The following RYR2 variants were observed in gnomAD, a reference collection of about 807,000 sequenced individuals.
RYR2 encodes cardiac muscle ryanodine receptor-calcium release channel.
In RYR2, 227 loss-of-function variants were observed where a neutral mutation model predicts 601.1. The ratio of observed to expected loss-of-function variants is 0.38; its 90% CI spans 0.34 to 0.42. RYR2 has a LOEUF of 0.42. Among genes scored for constraint, RYR2 ranks in the 10% least tolerant of loss-of-function variants. The pLI, the probability that RYR2 is intolerant of heterozygous loss-of-function variation, is 1.00. For synonymous variants in RYR2, 2,223 were observed against 2,175.1 expected, an observed-to-expected ratio of 1.02 and a Z score of -0.61; for missense variants, 4,646 against 6,156.5, an observed-to-expected ratio of 0.75 and a Z score of 8.21.
At chr1:237,175,059 A>C (rs1159099139) in intron 1 of RYR2, among the ~76,000 whole-genome samples, 1 of 152,210 alleles carries the variant, frequency 6.6e-6, no homozygotes, top group African/African-American at 2.4e-5. Context: ...ATAACTTCCA[A>C]ATGAATCATA....
intron 1 of RYR2, among the ~76,000 whole-genome samples, chr1:237,263,958 G>C (rs747993813): frequency 1.3e-5 from 2 of 152,116 alleles, no homozygotes; most frequent in African/African-American, 2.4e-5. Flanking sequence ...AGGGACTCAG[G>C]GTGATAGGGG....
At chr1:237,269,928 C>G (rs1307822333) in intron 1 of RYR2, among the ~76,000 whole-genome samples, 2 of 152,150 alleles carry the variant, frequency 1.3e-5, no homozygotes, top group East Asian at 1.9e-4. Flanking sequence ...AATAAATTGT[C>G]TCTCCATACA....
chr1:237,801,337 C>A lies in RYR2; in HGVS notation c.14091-519C>A, dbSNP rs1304830388. Among the ~76,000 whole-genome samples, 3 of 141,720 alleles carry A rather than the reference C, an allele frequency of 2.1e-5. No individual in the cohort carries two copies. In the East Asian group the frequency reaches 6.3e-4, roughly 30 times the overall value. The allele number at this position is 141,720 out of a possible 152,430, so 93.0% of individuals were successfully genotyped here. On this transcript the variant is annotated intron_variant, in intron 97 of 104. Transcript: ENST00000366574. ...CCTGAGATCAGGAGTTCAAGACCAG[C>A]CTGGCCAACATGATGAAACCCCATC...
intron 1 of RYR2, among the ~76,000 whole-genome samples, chr1:237,162,957 T>C (rs976793066): frequency 6.6e-6 from 1 of 152,110 alleles, no homozygotes; most frequent in Non-Finnish European, 1.5e-5. Flanking sequence ...CTACAACTGC[T>C]ACTTCAGTAG....
chr1:237,235,066 T>A (rs532355302), intron 1 of RYR2, among the ~76,000 whole-genome samples: 1 of 152,338 alleles, frequency 6.6e-6, no homozygotes, highest in South Asian at 2.1e-4. Context: ...CCCAGGCCTC[T>A]TCTCCACACT....
chr1:237,660,013 T>C lies in RYR2; in HGVS notation c.8237T>C (p.Ile2746Thr). ...GCAAATGGATGGATTTATGGAGAAA[T>C]ATATTCAGACTCTTCTAAGGTTCAG... The part of the protein sequence containing the change: ...KLANGWIYGE[I>T]YSDSSKVQPL... The change falls in exon 55 of 105, where the codon ATA becomes ACA. Residue 2746 changes from isoleucine (I) to threonine (T), a missense_variant. Transcript: ENST00000366574. 1 of 1,590,814 alleles carries C rather than the reference T, an allele frequency of 6.3e-7. No individual in the cohort carries two copies. Among genetic ancestry groups the C allele is most frequent in the South Asian group, 1.2e-5 (1 of 84,934 alleles).
chr1:237,562,500 A>T (rs1283377560), intron 27 of RYR2, among the ~76,000 whole-genome samples: 1 of 152,054 alleles, frequency 6.6e-6, no homozygotes, highest in Admixed American at 6.6e-5. Flanking sequence ...TAGTTAGGTG[A>T]TTGGTGGTGT....
chr1:237,221,334 G>C (rs1207379625), intron 1 of RYR2, among the ~76,000 whole-genome samples: 2 of 152,270 alleles, frequency 1.3e-5, no homozygotes, highest in African/African-American at 2.4e-5. Flanking sequence ...AAGACATCAA[G>C]CTGTTTAAAG....
At chr1:237,368,807 A>ATTG (rs1700407318) in intron 5 of RYR2, among the ~76,000 whole-genome samples, 1 of 142,588 alleles carries the variant, frequency 7.0e-6, no homozygotes, top group African/African-American at 2.6e-5. Flanking sequence ...ACGTTTATTT[A>ATTG]TTTATTTATT....
chr1:237,471,811 G>A (rs539601516), intron 17 of RYR2, among the ~76,000 whole-genome samples: 15 of 151,190 alleles, frequency 9.9e-5, no homozygotes, highest in African/African-American at 3.2e-4. Flanking sequence ...TAATGAAAAG[G>A]GAAGCCCTGT....
Position 237,808,528 on chromosome 1 carries a change from C to T in RYR2, c.14299-373C>T, listed in dbSNP as rs911565660. On this transcript the variant is annotated intron_variant, in intron 99 of 104. Transcript: ENST00000366574. ...ATACAAAATTAGCTGGGTGTGGTGG[C>T]GCATGCCTATAATCCCCACTACTCG... 7.9e-5 allele frequency among the ~76,000 whole-genome samples: 12 copies of T among 151,762 alleles called. No homozygotes were observed. In the South Asian group the frequency reaches 1.5e-3, roughly 18 times the overall value.
At chr1:237,752,154 C>T (rs756439412) in intron 80 of RYR2, among the ~76,000 whole-genome samples, 4 of 151,980 alleles carry the variant, frequency 2.6e-5, no homozygotes, top group Non-Finnish European at 4.4e-5. Flanking sequence ...AAAGAAAGCC[C>T]GCTCTCTTCA....
intron 1 of RYR2, among the ~76,000 whole-genome samples, chr1:237,216,058 T>A (rs80274240): frequency 0.02 from 3,017 of 152,312 alleles, 60 homozygotes; most frequent in South Asian, 0.085. Flanking sequence ...AAATTAACGA[T>A]ATTTAACTAA....
At chr1:237,475,110 G>A (rs368752315) in intron 17 of RYR2, among the ~76,000 whole-genome samples, 1 of 151,980 alleles carries the variant, frequency 6.6e-6, no homozygotes, top group Non-Finnish European at 1.5e-5. Flanking sequence ...CAACTCTATA[G>A]GTTAGGTAAC....
At chr1:237,047,036 C>T (rs1313922753) in intron 1 of RYR2, among the ~76,000 whole-genome samples, 2 of 152,166 alleles carry the variant, frequency 1.3e-5, no homozygotes, top group Non-Finnish European at 2.9e-5. Flanking sequence ...ACCCTGTCCA[C>T]CCCATGCCTC....
At position 237,698,693 on chromosome 1, in the gene RYR2, G is replaced by A. The variant is rs574527931; in HGVS notation, c.9068-272G>A. Among the ~76,000 whole-genome samples, 12 of 101,100 alleles carry A rather than the reference G, an allele frequency of 1.2e-4. No homozygotes were observed. In the East Asian group the frequency reaches 1.8e-3, roughly 15 times the overall value. 66.3% of individuals were successfully genotyped at this position (101,100 alleles called of 152,430 possible). A position where few individuals can be genotyped will look rare whatever the true frequency, so the allele number is the denominator to read the frequency against. ...GGGAGAGGGGATTATTGAAAACCTCGGTTAAAACTCTTTTAGTCTGGTGCA... is the reference window on the plus strand; with the variant it reads ...GGGAGAGGGGATTATTGAAAACCTCAGTTAAAACTCTTTTAGTCTGGTGCA... On this transcript the variant is annotated intron_variant, in intron 63 of 104. Coordinates refer to ENST00000366574, the MANE Select transcript of RYR2 (RefSeq NM_001035.3).
At chr1:237,621,310 A>G (rs948151700) in intron 38 of RYR2, among the ~76,000 whole-genome samples, 28 of 152,184 alleles carry the variant, frequency 1.8e-4, no homozygotes, top group African/African-American at 6.8e-4. Context: ...TAAAAAGCGG[A>G]AACCACTCAG....
At chr1:237,288,520 G>T (rs1045441129) in intron 2 of RYR2, among the ~76,000 whole-genome samples, 4 of 151,880 alleles carry the variant, frequency 2.6e-5, no homozygotes, top group South Asian at 2.1e-4. Flanking sequence ...AGATACCTAG[G>T]TTACTGGAGT....
intron 24 of RYR2, among the ~76,000 whole-genome samples, chr1:237,516,505 T>A (rs1231677033): frequency 6.6e-6 from 1 of 152,168 alleles, no homozygotes; most frequent in Admixed American, 6.5e-5. Context: ...GAAGGTATTC[T>A]CACCACTCCA....
Sources: gnomAD v4.1 joint callset for allele counts (sites outside exome capture counted in the v4.1 genomes callset) on GRCh38, gnomAD v4.1.1 for gene constraint, MANE v1.5 for transcripts, NCBI Gene and HGNC (gene_info 2026-07-23, HGNC 2026-07-21) for gene names.